The following NTRK3 variants were observed in gnomAD, a reference collection of about 807,000 sequenced individuals.
NTRK3 encodes the protein neurotrophic receptor tyrosine kinase 3.
NTRK3 carries 24 observed loss-of-function variants against 91.7 expected under a neutral mutation model. That is an observed-to-expected ratio of 0.26 (90% CI 0.19 to 0.37). The LOEUF (loss-of-function observed/expected upper bound fraction) is 0.37, where lower values mean the gene tolerates loss of function less well. Among genes scored for constraint, NTRK3 ranks in the 10% least tolerant of loss-of-function variants. The pLI, the probability that NTRK3 is intolerant of heterozygous loss-of-function variation, is 1.00. For synonymous variants in NTRK3, 483 were observed against 404.0 expected (o/e 1.20, Z -2.34); for missense variants, 880 against 1,068.9 (o/e 0.82, Z 2.46).
rs1206926353 is a variant in NTRK3, at chr15:88,123,434, C to T, written c.1396+2837G>A. ...GGTACCGGTGTCATCACTCTTTATCCAAGACTGTGATGCTCGCTGGCAATA... is the reference window on the plus strand; with the variant it reads ...GGTACCGGTGTCATCACTCTTTATCTAAGACTGTGATGCTCGCTGGCAATA... On this transcript the variant is annotated intron_variant, in intron 13 of 18. Coordinates refer to ENST00000394480, the Ensembl canonical transcript of NTRK3. Among the ~76,000 whole-genome samples the T allele has an allele frequency of 2.6e-5, 4 of 152,190 alleles. No homozygotes were observed. The East Asian group carries it at 7.7e-4, about 29-fold the overall frequency.
chr15:88,037,448 G>C (rs2079169957), intron 13 of NTRK3, among the ~76,000 whole-genome samples: 2 of 152,152 alleles, frequency 1.3e-5, no homozygotes, highest in South Asian at 4.1e-4. Context: ...TGTGATCCCA[G>C]CTACTAGAGA....
chr15:87,953,225 T>C (rs993994852), intron 14 of NTRK3, among the ~76,000 whole-genome samples: 1 of 152,206 alleles, frequency 6.6e-6, no homozygotes, highest in Non-Finnish European at 1.5e-5. Context: ...CTGGTGGAAT[T>C]ACAAGCGCCC....
At chr15:88,011,137 A>T (rs1325404236) in intron 14 of NTRK3, among the ~76,000 whole-genome samples, 2 of 151,992 alleles carry the variant, frequency 1.3e-5, no homozygotes, top group East Asian at 3.9e-4. Context: ...GGCCATCATG[A>T]CTGGATCCCA....
chr15:88,032,052 G>A (rs190232755), intron 14 of NTRK3, among the ~76,000 whole-genome samples: 1 of 152,266 alleles, frequency 6.6e-6, no homozygotes, highest in East Asian at 1.9e-4. Flanking sequence ...GAGCTGCTGT[G>A]CTCTCTCTTG....
chr15:87,874,262 C>T (rs541217816), exon 19 of NTRK3: 23 of 227,300 alleles, frequency 1.0e-4, no homozygotes, highest in African/African-American at 2.2e-4. Flanking sequence ...TATCTTCCCT[C>T]GCTACCCTTC....
chr15:88,162,145 C>T (rs963144082), intron 5 of NTRK3, among the ~76,000 whole-genome samples: 4 of 152,182 alleles, frequency 2.6e-5, no homozygotes, highest in African/African-American at 4.8e-5. Flanking sequence ...GAAGCACCAG[C>T]GCCACAGCAA....
Position 87,913,844 on chromosome 15 carries a change from G to T in NTRK3, c.2133+15347C>A, listed in dbSNP as rs76285255. Among the ~76,000 whole-genome samples, 901 of 152,300 alleles carry T rather than the reference G, an allele frequency of 5.9e-3. 14 individuals carry two copies. Among genetic ancestry groups the T allele is most frequent in the East Asian group, 0.034 (173 of 5,164 alleles). ...TCTGAAAAATCTTGAGTGGCTCTTAGGCTATCATGGCTGCATTGTGCCCTG... is the reference window on the plus strand; with the variant it reads ...TCTGAAAAATCTTGAGTGGCTCTTATGCTATCATGGCTGCATTGTGCCCTG... On this transcript the variant is annotated intron_variant, in intron 17 of 18. Transcript: ENST00000394480.
At chr15:87,926,498 G>T (rs2141883152) in intron 17 of NTRK3, among the ~76,000 whole-genome samples, 1 of 152,230 alleles carries the variant, frequency 6.6e-6, no homozygotes, top group East Asian at 1.9e-4. Context: ...AAGGAATTGA[G>T]GTTACCTGTA....
At chr15:88,065,773 A>G (rs928744626) in intron 13 of NTRK3, among the ~76,000 whole-genome samples, 2 of 152,208 alleles carry the variant, frequency 1.3e-5, no homozygotes, top group South Asian at 2.1e-4. Context: ...ATGTGTACCT[A>G]AAGTTCTCTG....
chr15:88,050,356 T>C (rs553257381), intron 13 of NTRK3, among the ~76,000 whole-genome samples: 1 of 152,346 alleles, frequency 6.6e-6, no homozygotes, highest in South Asian at 2.1e-4. Context: ...TGACTTCTAA[T>C]GGGCCTAGGT....
chr15:88,142,045 A>G (rs2042432638), intron 6 of NTRK3, among the ~76,000 whole-genome samples: 1 of 152,254 alleles, frequency 6.6e-6, no homozygotes, highest in Admixed American at 6.5e-5. Flanking sequence ...TTGAGTCTTA[A>G]AACAATGACA....
exon 19 of NTRK3, chr15:87,866,815 TC>T (rs1047793850): frequency 5.0e-6 from 1 of 199,454 alleles, no homozygotes; most frequent in African/African-American, 2.3e-5. Context: ...GGCTTTTTTT[TC>T]CCCCTCAAGA....
chr15:87,950,462 C>A (rs559134327), intron 14 of NTRK3, among the ~76,000 whole-genome samples: 1 of 152,128 alleles, frequency 6.6e-6, no homozygotes, highest in African/African-American at 2.4e-5. Context: ...ATACAACAGA[C>A]ACGAAGAAAA....
At chr15:88,066,288 T>G (rs1345519784) in intron 13 of NTRK3, among the ~76,000 whole-genome samples, 1 of 152,162 alleles carries the variant, frequency 6.6e-6, no homozygotes, top group African/African-American at 2.4e-5. Flanking sequence ...TCCTCCTCCA[T>G]GACAGTAGAT....
At chr15:88,070,471 A>G (rs763641981) in intron 13 of NTRK3, among the ~76,000 whole-genome samples, 1 of 152,174 alleles carries the variant, frequency 6.6e-6, no homozygotes, top group Non-Finnish European at 1.5e-5. Flanking sequence ...TGAAAGGAGC[A>G]GAGAAACATG....
At chr15:88,027,595 G>A (rs888768234) in intron 14 of NTRK3, among the ~76,000 whole-genome samples, 1 of 152,132 alleles carries the variant, frequency 6.6e-6, no homozygotes, top group African/African-American at 2.4e-5. Context: ...TGTTAGCCAG[G>A]ATGGTCTCGA....
rs770668339 is a variant in NTRK3 at position 88,002,168 on chromosome 15, G to GTTTTTTTT, written c.1585+30681_1585+30688dup. On this transcript the variant is annotated intron_variant, in intron 14 of 18. Coordinates refer to ENST00000394480, the Ensembl canonical transcript of NTRK3. ...TTTCTCTCTCTGAAGGATAGTGGTTGTTTTTTTTTTTTTTTTTTTTTTTTT... is the reference window on the plus strand; with the variant it reads ...TTTCTCTCTCTGAAGGATAGTGGTTGTTTTTTTTTTTTTTTTTTTTTTTTTTTTTTTTT... 3.1e-3 allele frequency among the ~76,000 whole-genome samples: 218 copies of GTTTTTTTT among 70,188 alleles called. 14 individuals carry two copies. The highest frequency in any genetic ancestry group is 0.012 in the African/African-American group (205 of 17,292). 46.0% of individuals were successfully genotyped at this position (70,188 alleles called of 152,430 possible). A position where few individuals can be genotyped will look rare whatever the true frequency, so the allele number is the denominator to read the frequency against.
intron 3 of NTRK3, among the ~76,000 whole-genome samples, chr15:88,249,164 C>T (rs982590306): frequency 6.6e-6 from 1 of 152,110 alleles, no homozygotes. Context: ...ACAAGCCAGG[C>T]AGGAGGACTG....
chr15:88,168,421 TG>T (rs1342623934), intron 5 of NTRK3, among the ~76,000 whole-genome samples: 1 of 152,194 alleles, frequency 6.6e-6, no homozygotes, highest in East Asian at 1.9e-4. Flanking sequence ...GGATCAGGGC[TG>T]GGAAAGGCAA....
Sources: allele counts gnomAD v4.1 joint callset (sites outside exome capture counted in the v4.1 genomes callset), GRCh38; gene constraint gnomAD v4.1.1; transcripts MANE v1.5; gene names NCBI Gene and HGNC (gene_info 2026-07-23, HGNC 2026-07-21).